CDH23: variants seen among roughly 807,000 people sequenced by gnomAD.
The protein encoded by CDH23 is cadherin-23.
CDH23 carries 189 observed loss-of-function variants against 317.1 expected under a neutral mutation model. That is an observed-to-expected ratio of 0.60 (90% CI 0.53 to 0.67). CDH23 has a LOEUF of 0.67. Ranked by LOEUF, CDH23 falls within the 30% of genes least tolerant of loss-of-function variation. The pLI is 0.00. For synonymous variants in CDH23, 1,839 were observed against 1,876.8 expected (o/e 0.98, Z 0.52); for missense variants, 4,401 against 4,592.4 (o/e 0.96, Z 1.20).
rs1589396168 is a variant in CDH23 at position 71,751,391 on chromosome 10, C to T, written c.4845+9470C>T. 2 of 559,324 alleles carry T rather than the reference C, an allele frequency of 3.6e-6. No individual in the cohort carries two copies. The highest frequency in any genetic ancestry group is 3.4e-5 in the Admixed American group (1 of 29,050). 34.6% of individuals were successfully genotyped at this position (559,324 alleles called of 1,614,324 possible). ...AACTCTTCAGGGAGGTGAATGGGGG[C>T]CCCTCTGTCCCTCACCCTCAACCCC... On this transcript the variant is annotated intron_variant, in intron 38 of 69. Coordinates refer to ENST00000224721, the MANE Select transcript of CDH23 (RefSeq NM_022124.6). This position sits in a 1 kb window ranked among gnomAD's most constrained non-coding sequence, Gnocchi z 4.9.
chr10:71,670,516 G>A (rs1469228378), intron 14 of CDH23, among the ~76,000 whole-genome samples: 1 of 152,200 alleles, frequency 6.6e-6, no homozygotes, highest in African/African-American at 2.4e-5. Context: ...ACCAGTGAAT[G>A]GTTAGGGACT....
chr10:71,755,425 C>T, intron 38 of CDH23: 1 of 1,613,440 alleles, frequency 6.2e-7, no homozygotes, highest in East Asian at 2.2e-5. Context: ...CAGAGGATTC[C>T]TACGATGCAG....
chr10:71,485,809 A>C (rs931909377), intron 3 of CDH23, among the ~76,000 whole-genome samples: 5 of 152,222 alleles, frequency 3.3e-5, no homozygotes, highest in Admixed American at 6.5e-5. Context: ...TCCTGCCCTC[A>C]GGGTGCTCCA....
intron 38 of CDH23, chr10:71,753,889 A>G (rs1463008639): frequency 1.5e-5 from 7 of 456,304 alleles, no homozygotes; most frequent in Non-Finnish European, 2.2e-5. Flanking sequence ...GGCTTCGTGC[A>G]GGTGCACACG....
chr10:71,696,936 C>T (rs75457200), intron 22 of CDH23, among the ~76,000 whole-genome samples: 6,541 of 152,312 alleles, frequency 0.043, 166 homozygotes, highest in South Asian at 0.13. Flanking sequence ...TAACCTCCTC[C>T]CCACCCCAGC....
In CDH23 at chr10:71,811,723, A is replaced by G; in HGVS notation, c.9289A>G (p.Lys3097Glu). ...TCTGCTTCTCTCCAGACACAAGAGG[A>G]AGCTCAAGGCCATTGTGGCTGGCTC... ...NWYYRTVHKRKLKAIVAGSAG... is the reference protein window; with the variant it reads ...NWYYRTVHKRELKAIVAGSAG... Residue 3097 changes from lysine (K) to glutamate (E), a missense_variant, in exon 65 of 70, where the codon AAG (lysine) becomes GAG (glutamate). Physicochemically the swap from Lys to Glu is moderately conservative, Grantham distance 56. This residue lies in a region of CDH23 where 1,144 missense variants were observed against 1,138.2 expected (regional missense o/e 1.01). Transcript: ENST00000224721. 6.2e-7 allele frequency: 1 copy of G among 1,602,492 alleles called. No individual in the cohort carries two copies. The highest frequency in any genetic ancestry group is 8.5e-7 in the Non-Finnish European group (1 of 1,174,412).
Position 71,695,454 on chromosome 10 carries a change from C to A in CDH23, c.2326C>A (p.Pro776Thr). 6.2e-7 allele frequency: 1 copy of A among 1,613,598 alleles called. No individual in the cohort carries two copies. Among genetic ancestry groups the A allele is most frequent in the East Asian group, 2.2e-5 (1 of 44,878 alleles). ...CCTCCTGGACATCAATGACAACCACCCCACGTGGAAGGACGCACCCTACTA... is the reference window on the plus strand; with the variant it reads ...CCTCCTGGACATCAATGACAACCACACCACGTGGAAGGACGCACCCTACTA... The part of the protein sequence containing the change: ...ITLLDINDNH[P>T]TWKDAPYYIN... Residue 776 changes from proline to threonine, a missense_variant, in exon 22 of 70, where the codon CCC becomes ACC. Transcript: ENST00000224721.
Position 71,751,731 on chromosome 10 carries a change from G to C in CDH23, c.4845+9810G>C. The C allele has an allele frequency of 6.3e-7, 1 of 1,588,518 alleles. No individual in the cohort carries two copies. Among genetic ancestry groups the C allele is most frequent in the Non-Finnish European group, 8.6e-7 (1 of 1,168,610 alleles). ...GACAGGGGGGTGCTGGGCTCCGAAAGCAGATGCCGCCCAGACTCAGAAGGC... is the reference window on the plus strand; with the variant it reads ...GACAGGGGGGTGCTGGGCTCCGAAACCAGATGCCGCCCAGACTCAGAAGGC... On this transcript the variant is annotated intron_variant, in intron 38 of 69. Coordinates refer to ENST00000224721, the MANE Select transcript of CDH23 (RefSeq NM_022124.6). The surrounding 1 kb of genome is among the most constrained non-coding windows in gnomAD (Gnocchi z 4.9).
At chr10:71,541,058 A>G (rs1564641700) in intron 6 of CDH23, among the ~76,000 whole-genome samples, 2 of 151,996 alleles carry the variant, frequency 1.3e-5, no homozygotes, top group African/African-American at 4.8e-5. Context: ...TCCCTTGCAC[A>G]TGCTGCCAGA....
At chr10:71,713,142 A>G (rs1322406853) in intron 28 of CDH23, 1 of 778,842 alleles carries the variant, frequency 1.3e-6, no homozygotes, top group African/African-American at 1.7e-5. Flanking sequence ...ATTTCCCGGA[A>G]AGGAGTTGAG....
At chr10:71,590,086 G>T (rs1464890517) in intron 9 of CDH23, among the ~76,000 whole-genome samples, 2 of 152,186 alleles carry the variant, frequency 1.3e-5, no homozygotes, top group African/African-American at 4.8e-5. Context: ...GGCTGCCACA[G>T]GCTGAGAATC....
intron 9 of CDH23, among the ~76,000 whole-genome samples, chr10:71,606,728 A>G (rs1021638717): frequency 6.6e-6 from 1 of 152,126 alleles, no homozygotes; most frequent in African/African-American, 2.4e-5. Flanking sequence ...AGGATAATGG[A>G]GAGAGAGTGA....
chr10:71,803,815 C>CAAAAA (rs59916449), intron 55 of CDH23, among the ~76,000 whole-genome samples: 7 of 71,088 alleles, frequency 9.8e-5, no homozygotes, highest in South Asian at 5.9e-4. Flanking sequence ...ACTAAAAATG[C>CAAAAA]AAAAAAAAAA....
In CDH23 at chr10:71,807,559, T is replaced by C. The variant is rs1189340783; in HGVS notation, c.8352T>C (p.Cys2784=). ...EKNFHLQPDG[C]LLVLRDLDRE... Reference sequence around the variant, plus strand: ...ACTTCCATCTGCAGCCCGATGGGTGTCTGCTGGTGCTGCGGGACCTGGACC... The same window carrying C: ...ACTTCCATCTGCAGCCCGATGGGTGCCTGCTGGTGCTGCGGGACCTGGACC... Residue 2784 remains cysteine (C), a synonymous_variant, in exon 59 of 70, where the codon TGT becomes TGC. Coordinates refer to ENST00000224721, the MANE Select transcript of CDH23 (RefSeq NM_022124.6). 6.2e-7 allele frequency: 1 copy of C among 1,613,956 alleles called. No homozygotes were observed. Among genetic ancestry groups the C allele is most frequent in the Admixed American group, 1.7e-5 (1 of 60,022 alleles).
intron 9 of CDH23, among the ~76,000 whole-genome samples, chr10:71,606,247 G>A (rs1432801833): frequency 6.6e-6 from 1 of 152,226 alleles, no homozygotes; most frequent in Admixed American, 6.5e-5. Context: ...TGTAAGACAA[G>A]CGGACTGCCG....
chr10:71,473,927 G>A (rs1366734371), intron 3 of CDH23, among the ~76,000 whole-genome samples: 1 of 152,234 alleles, frequency 6.6e-6, no homozygotes, highest in East Asian at 1.9e-4. Context: ...TGACAAGGAT[G>A]ATAATGCCTC....
At chr10:71,561,785 T>C (rs1857143937) in intron 6 of CDH23, among the ~76,000 whole-genome samples, 1 of 150,580 alleles carries the variant, frequency 6.6e-6, no homozygotes, top group South Asian at 2.1e-4. Flanking sequence ...GGTGTACATT[T>C]GGGGAGACTT....
intron 11 of CDH23, among the ~76,000 whole-genome samples, chr10:71,630,112 C>T (rs1861931648): frequency 6.6e-6 from 1 of 152,084 alleles, no homozygotes; most frequent in African/African-American, 2.4e-5. Flanking sequence ...GCCTCGAACT[C>T]CTGGGCTCAA....
chr10:71,786,406 C>T (rs1657597516), intron 44 of CDH23, among the ~76,000 whole-genome samples: 1 of 151,852 alleles, frequency 6.6e-6, no homozygotes, highest in African/African-American at 2.4e-5. Flanking sequence ...GTTTCCCTAT[C>T]GGTCTAGCCA....
Sources: gnomAD v4.1 joint callset for allele counts (sites outside exome capture counted in the v4.1 genomes callset) on GRCh38, gnomAD v4.1.1 for gene constraint, gnomAD v4.1.1 regional missense constraint, Gnocchi (gnomAD v3.1) non-coding constraint, MANE v1.5 for transcripts, NCBI Gene and HGNC (gene_info 2026-07-23, HGNC 2026-07-21) for gene names.